SPECC1L: variants seen among roughly 807,000 people sequenced by gnomAD.
The protein encoded by SPECC1L is cytospin-A.
SPECC1L carries 40 observed loss-of-function variants against 116.8 expected under a neutral mutation model. The ratio of observed to expected loss-of-function variants is 0.34; its 90% CI spans 0.27 to 0.45. SPECC1L has a LOEUF of 0.45. Ranked by LOEUF, SPECC1L falls within the 20% of genes least tolerant of loss-of-function variation. The pLI is 1.00. For missense variants in SPECC1L, 1,110 were observed against 1,373.6 expected (o/e 0.81, Z 3.03); for synonymous variants, 504 against 500.6 (o/e 1.01, Z -0.09).
intron 1 of SPECC1L, among the ~76,000 whole-genome samples, chr22:24,272,620 TC>T (rs2048751300): frequency 1.3e-5 from 2 of 149,394 alleles, no homozygotes; most frequent in African/African-American, 5.0e-5. Context: ...TGAACCGAGG[TC>T]TCGCCACTGC....
At chr22:24,390,864 TTTCTTTTC>T in intron 14 of SPECC1L, among the ~76,000 whole-genome samples, 2 of 67,408 alleles carry the variant, frequency 3.0e-5, no homozygotes, top group South Asian at 3.9e-4. Flanking sequence ...TTTTTTTTTT[TTTCTTTTC>T]TTTTTTTTTT....
At chr22:24,410,275 C>T (rs769859144) in intron 14 of SPECC1L, among the ~76,000 whole-genome samples, 1 of 152,202 alleles carries the variant, frequency 6.6e-6, no homozygotes, top group Non-Finnish European at 1.5e-5. Context: ...CTCAAGGGAT[C>T]CTCCCGCCTC....
intron 2 of SPECC1L, among the ~76,000 whole-genome samples, chr22:24,285,560 A>G (rs1986435535): frequency 6.6e-6 from 1 of 152,114 alleles, no homozygotes; most frequent in Non-Finnish European, 1.5e-5. Context: ...GGCTGCTCCT[A>G]TTCAAAGAGC....
chr22:24,410,492 G>A (rs2042674718), intron 14 of SPECC1L, among the ~76,000 whole-genome samples: 1 of 152,208 alleles, frequency 6.6e-6, no homozygotes, highest in Admixed American at 6.5e-5. Context: ...CAGGGCTGAG[G>A]AGCCCTGTAC....
intron 14 of SPECC1L, among the ~76,000 whole-genome samples, chr22:24,407,546 C>T (rs560362785): frequency 1.2e-4 from 19 of 152,272 alleles, no homozygotes; most frequent in African/African-American, 3.1e-4. Context: ...GGGGCGGCTG[C>T]GGCAGGAAGT....
intron 14 of SPECC1L, among the ~76,000 whole-genome samples, chr22:24,370,932 A>G (rs2041859476): frequency 2.0e-5 from 3 of 151,956 alleles, no homozygotes; most frequent in Admixed American, 1.3e-4. Flanking sequence ...GAGGGAAAAA[A>G]GAAAGGGGGT....
At chr22:24,297,725 C>CTGTT (rs1367126496) in intron 2 of SPECC1L, among the ~76,000 whole-genome samples, 3 of 152,182 alleles carry the variant, frequency 2.0e-5, no homozygotes, top group Non-Finnish European at 4.4e-5. Context: ...AAATTGTGGA[C>CTGTT]TGTTCTGAAT....
At chr22:24,411,037 A>C (rs1436274346) in intron 14 of SPECC1L, among the ~76,000 whole-genome samples, 1 of 152,020 alleles carries the variant, frequency 6.6e-6, no homozygotes, top group Non-Finnish European at 1.5e-5. Context: ...ATACAAAAAA[A>C]AATAGCCGGG....
At chr22:24,271,157 C>G (rs1428497048) in intron 1 of SPECC1L, among the ~76,000 whole-genome samples, 174 bp downstream of exon 1, 3 of 152,254 alleles carry the variant, frequency 2.0e-5, no homozygotes, top group African/African-American at 7.2e-5. Context: ...TTTCCCTTCC[C>G]GCGCCGTCCT....
chr22:24,288,110 G>C (rs1048563148), intron 2 of SPECC1L, among the ~76,000 whole-genome samples: 1 of 152,158 alleles, frequency 6.6e-6, no homozygotes, highest in Non-Finnish European at 1.5e-5. Context: ...CCAGAACTGT[G>C]GCTTTCTCAG....
intron 12 of SPECC1L, 144 bp from the exon 13 acceptor site, chr22:24,365,332 A>G (rs962003675): frequency 1.3e-6 from 1 of 772,848 alleles, no homozygotes; most frequent in Non-Finnish European, 2.0e-6. Flanking sequence ...ATGGAAAAAT[A>G]AGAAATACTT....
intron 3 of SPECC1L, among the ~76,000 whole-genome samples, chr22:24,313,057 A>G (rs1035675873): frequency 6.6e-5 from 10 of 152,184 alleles, no homozygotes; most frequent in African/African-American, 2.2e-4. Context: ...GCATATGTGG[A>G]CACATAGCAG....
chr22:24,384,384 G>A (rs1330269501), intron 14 of SPECC1L, among the ~76,000 whole-genome samples: 1 of 152,050 alleles, frequency 6.6e-6, no homozygotes, highest in Non-Finnish European at 1.5e-5. Context: ...TAATCCCATA[G>A]GGAAACAAAA....
At chr22:24,349,635 G>A (rs1299308393) in intron 11 of SPECC1L, among the ~76,000 whole-genome samples, 1 of 152,088 alleles carries the variant, frequency 6.6e-6, no homozygotes, top group Non-Finnish European at 1.5e-5. Context: ...CATGTAATCT[G>A]CCTTCTCCAT....
chr22:24,292,196 C>G (rs1035433018), intron 2 of SPECC1L, among the ~76,000 whole-genome samples: 1 of 152,188 alleles, frequency 6.6e-6, no homozygotes, highest in African/African-American at 2.4e-5. Context: ...GTGTTGTCCT[C>G]TAATCAGGGT....
intron 3 of SPECC1L, among the ~76,000 whole-genome samples, chr22:24,303,468 A>G (rs1466319020): frequency 6.6e-6 from 1 of 152,110 alleles, no homozygotes. Flanking sequence ...TTTTTGGTGT[A>G]AGACAGGTGG....
intron 2 of SPECC1L, among the ~76,000 whole-genome samples, chr22:24,292,742 A>T (rs2049178202): frequency 6.6e-6 from 1 of 152,128 alleles, no homozygotes; most frequent in South Asian, 2.1e-4. Flanking sequence ...CAAGAGTCAG[A>T]AGGTGTCGTA....
chr22:24,362,493 A>C (rs997811956), intron 11 of SPECC1L, among the ~76,000 whole-genome samples: 1 of 152,210 alleles, frequency 6.6e-6, no homozygotes, highest in African/African-American at 2.4e-5. Flanking sequence ...TGAAGGCTCA[A>C]AAATGTTTGA....
intron 11 of SPECC1L, among the ~76,000 whole-genome samples, chr22:24,361,700 G>A (rs2041647701): frequency 6.6e-6 from 1 of 152,086 alleles, no homozygotes; most frequent in Admixed American, 6.6e-5. Context: ...GGAGGCTGAG[G>A]CAGGAGGATC....
Sources: gnomAD v4.1 joint callset for allele counts (sites outside exome capture counted in the v4.1 genomes callset) on GRCh38, gnomAD v4.1.1 for gene constraint, MANE v1.5 for transcripts, NCBI Gene and HGNC (gene_info 2026-07-23, HGNC 2026-07-21) for gene names.